CA10: variants seen among roughly 807,000 people sequenced by gnomAD.
CA10 encodes carbonic anhydrase-related protein 10.
CA10 carries 14 observed loss-of-function variants against 44.2 expected under a neutral mutation model. That is an observed-to-expected ratio of 0.32 (90% CI 0.21 to 0.50). The LOEUF (loss-of-function observed/expected upper bound fraction) is 0.50. Ranked by LOEUF, CA10 falls within the 20% of genes least tolerant of loss-of-function variation. The probability of loss-of-function intolerance (pLI) is 0.99; values close to 1 mark genes in which losing one functional copy is unlikely to be tolerated. For synonymous variants in CA10, 159 were observed against 141.6 expected (o/e 1.12, Z -0.87); for missense variants, 350 against 409.7 (o/e 0.85, Z 1.26).
At chr17:51,821,680 A>G (rs1391487467) in intron 3 of CA10, among the ~76,000 whole-genome samples, 2 of 151,978 alleles carry the variant, frequency 1.3e-5, no homozygotes, top group South Asian at 2.1e-4. Flanking sequence ...CATTTCACTC[A>G]GTGTAAAATC....
intron 2 of CA10, among the ~76,000 whole-genome samples, chr17:51,969,022 A>G (rs375186644): frequency 3.3e-5 from 5 of 152,006 alleles, no homozygotes; most frequent in Admixed American, 6.6e-5. Flanking sequence ...TCATCAAAGC[A>G]TGGATTTTTT....
At chr17:51,954,634 G>A (rs1043091291) in intron 2 of CA10, among the ~76,000 whole-genome samples, 1 of 152,172 alleles carries the variant, frequency 6.6e-6, no homozygotes, top group African/African-American at 2.4e-5. Context: ...ATCTGGCACT[G>A]GTTTAATCAG....
At chr17:51,663,759 A>G (rs554572806) in intron 4 of CA10, among the ~76,000 whole-genome samples, 4 of 152,274 alleles carry the variant, frequency 2.6e-5, no homozygotes, top group African/African-American at 9.6e-5. Flanking sequence ...ATAAAGGGAG[A>G]GGCCCTAGAA....
chr17:51,997,359 T>C lies in CA10; in HGVS notation c.137-66227A>G, dbSNP rs543730403. On this transcript the variant is annotated intron_variant, in intron 2 of 8. Transcript: ENST00000451037. ...TATCCTGGCACAGAGTAAGTCTCAA[T>C]AAGTATGTGTAGAATAAATATAATT... 7.9e-5 allele frequency among the ~76,000 whole-genome samples: 12 copies of C among 152,216 alleles called. No homozygotes were observed. In the East Asian group the frequency reaches 2.1e-3, roughly 27 times the overall value.
intron 6 of CA10, 93 bp downstream of exon 6, chr17:51,649,089 G>T (rs764261554): frequency 1.2e-6 from 1 of 824,270 alleles, no homozygotes; most frequent in Non-Finnish European, 2.1e-6. Context: ...AACTGAAAAG[G>T]GCCCATGGAG....
At chr17:52,022,177 C>T (rs548995370) in intron 2 of CA10, among the ~76,000 whole-genome samples, 1 of 151,966 alleles carries the variant, frequency 6.6e-6, no homozygotes, top group African/African-American at 2.4e-5. Flanking sequence ...AACTACTATC[C>T]CTGAAGAACA....
chr17:51,818,549 G>A (rs1460701686), intron 3 of CA10, among the ~76,000 whole-genome samples: 1 of 152,138 alleles, frequency 6.6e-6, no homozygotes, highest in African/African-American at 2.4e-5. Flanking sequence ...GCTGAGACTA[G>A]AACTCTGATC....
chr17:51,754,441 ATATATATC>A (rs1470252647), intron 3 of CA10, among the ~76,000 whole-genome samples: 6 of 115,676 alleles, frequency 5.2e-5, no homozygotes, highest in African/African-American at 1.9e-4. Context: ...ATATATATAT[ATATATATC>A]ACGTAAAATA....
intron 1 of CA10, among the ~76,000 whole-genome samples, chr17:52,156,498 G>A (rs983757214): frequency 1.1e-4 from 17 of 152,198 alleles, no homozygotes; most frequent in African/African-American, 3.4e-4. Flanking sequence ...CCTTCCCTAT[G>A]AGGAGAAAAT....
intron 3 of CA10, among the ~76,000 whole-genome samples, chr17:51,750,856 C>T (rs1904867687): frequency 6.6e-6 from 1 of 152,234 alleles, no homozygotes; most frequent in Non-Finnish European, 1.5e-5. Context: ...ATCCTTTCAT[C>T]TATGTCTGTC....
At chr17:52,027,646 GA>G (rs1986342477) in intron 2 of CA10, among the ~76,000 whole-genome samples, 1 of 152,152 alleles carries the variant, frequency 6.6e-6, no homozygotes, top group African/African-American at 2.4e-5. Flanking sequence ...TCTCCTTACA[GA>G]AGCCATGTTC....
chr17:51,771,121 T>C (rs1287624923), intron 3 of CA10, among the ~76,000 whole-genome samples: 1 of 29,892 alleles, frequency 3.3e-5, no homozygotes, highest in Non-Finnish European at 5.8e-5. Context: ...AGACTCCGTC[T>C]CAAAAAAAAA....
intron 2 of CA10, among the ~76,000 whole-genome samples, chr17:52,032,901 T>C (rs900449519): frequency 6.6e-6 from 1 of 152,186 alleles, no homozygotes; most frequent in Non-Finnish European, 1.5e-5. Context: ...CATCAAAAAT[T>C]CTGCAAGGAC....
chr17:51,669,453 G>A (rs962483034), intron 4 of CA10, among the ~76,000 whole-genome samples: 7 of 152,062 alleles, frequency 4.6e-5, no homozygotes, highest in East Asian at 3.9e-4. Context: ...GAAGCAGGCC[G>A]CCCCAGCCAG....
intron 2 of CA10, among the ~76,000 whole-genome samples, chr17:51,950,088 C>A (rs1397593998): frequency 6.6e-6 from 1 of 152,166 alleles, no homozygotes; most frequent in Non-Finnish European, 1.5e-5. Flanking sequence ...TGTAGTCACA[C>A]TGACCTTCTT....
intron 3 of CA10, among the ~76,000 whole-genome samples, chr17:51,760,694 C>G (rs568137250): frequency 2.0e-5 from 3 of 152,284 alleles, no homozygotes; most frequent in African/African-American, 7.2e-5. Context: ...ACAATCACAT[C>G]TGATGGTATA....
chr17:51,847,284 A>G (rs892749310), intron 3 of CA10, among the ~76,000 whole-genome samples: 1 of 152,226 alleles, frequency 6.6e-6, no homozygotes, highest in Admixed American at 6.5e-5. Context: ...TTGCAGGGAA[A>G]TCGCTCCAGA....
At chr17:51,686,895 A>G (rs943109852) in intron 4 of CA10, among the ~76,000 whole-genome samples, 6 of 152,122 alleles carry the variant, frequency 3.9e-5, no homozygotes, top group Non-Finnish European at 8.8e-5. Context: ...CTTCAGTTCC[A>G]ACTTGAAAAC....
chr17:51,902,069 AT>A (rs1294076685), intron 3 of CA10, among the ~76,000 whole-genome samples: 2 of 152,050 alleles, frequency 1.3e-5, no homozygotes, highest in African/African-American at 2.4e-5. Flanking sequence ...TTTCTGTCTT[AT>A]TTTTCTCTTA....
Sources: gnomAD v4.1 joint callset for allele counts (sites outside exome capture counted in the v4.1 genomes callset) on GRCh38, gnomAD v4.1.1 for gene constraint, MANE v1.5 for transcripts, NCBI Gene and HGNC (gene_info 2026-07-23, HGNC 2026-07-21) for gene names.